Variants in TTLL5 observed in about 807,000 individuals in gnomAD.
TTLL5 encodes tubulin tyrosine ligase like 5, also known as tubulin polyglutamylase TTLL5.
In TTLL5, 132 loss-of-function variants were observed where a neutral mutation model predicts 168.4. That is an observed-to-expected ratio of 0.78 (90% confidence interval 0.68 to 0.91). The LOEUF (loss-of-function observed/expected upper bound fraction) is 0.91, where lower values mean the gene tolerates loss of function less well. Among genes scored for constraint, TTLL5 ranks in the 40% least tolerant of loss-of-function variants. The pLI, the probability that TTLL5 is intolerant of heterozygous loss-of-function variation, is 0.00. For missense variants in TTLL5, 1,545 were observed against 1,581.5 expected, an observed-to-expected ratio of 0.98 and a Z score of 0.39; for synonymous variants, 546 against 558.6, an observed-to-expected ratio of 0.98 and a Z score of 0.32.
At chr14:75,881,985 G>C (rs996391795) in intron 29 of TTLL5, among the ~76,000 whole-genome samples, 1 of 152,154 alleles carries the variant, frequency 6.6e-6, no homozygotes, top group East Asian at 1.9e-4. Flanking sequence ...TACCCTCTGA[G>C]CAAAAATATC....
chr14:75,905,661 T>G (rs2033114824), intron 31 of TTLL5, among the ~76,000 whole-genome samples: 1 of 152,210 alleles, frequency 6.6e-6, no homozygotes, highest in Non-Finnish European at 1.5e-5. Flanking sequence ...TCGTTGGCCT[T>G]CCTTCTTTAT....
intron 27 of TTLL5, among the ~76,000 whole-genome samples, chr14:75,807,740 A>T (rs1382782653): frequency 6.6e-6 from 1 of 152,182 alleles, no homozygotes; most frequent in African/African-American, 2.4e-5. Flanking sequence ...TTCGGTGTGA[A>T]TAAGGACTCA....
chr14:75,860,161 A>C (rs1897326972), intron 28 of TTLL5, among the ~76,000 whole-genome samples: 1 of 152,206 alleles, frequency 6.6e-6, no homozygotes, highest in African/African-American at 2.4e-5. Flanking sequence ...GGAGGAACAC[A>C]TCCTTTCTTA....
At chr14:75,863,911 TAAAA>T (rs76733656) in intron 29 of TTLL5, 49 bp downstream of exon 29, 2,274 of 99,538 alleles carry the variant, frequency 0.023, no homozygotes, top group Middle Eastern at 0.04. Flanking sequence ...CTGCTGTTGG[TAAAA>T]AAAAAAAAAA....
Position 75,690,246 on chromosome 14 carries a change from G to A in TTLL5, c.426G>A (p.Gln142=), listed in dbSNP as rs777618669. The stretch of plus-strand genomic sequence containing the variant: ...TGTACAAAAACATTATTCGAATGCA[G>A]CATACACATGGATTCAAGGCTTTTC... The part of the protein sequence containing the change: ...DRLYKNIIRM[Q]HTHGFKAFHI... Residue 142 remains glutamine (Q), a synonymous_variant, in exon 6 of 32, where the codon CAG becomes CAA. Coordinates refer to ENST00000298832, the MANE Select transcript of TTLL5 (RefSeq NM_015072.5). The A allele has an allele frequency of 6.3e-5, 101 of 1,612,500 alleles. No individual in the cohort carries two copies. The highest frequency in any genetic ancestry group is 3.7e-4 in the Admixed American group (22 of 59,658).
chr14:75,871,222 T>C (rs1230969542), intron 29 of TTLL5, among the ~76,000 whole-genome samples: 1 of 152,226 alleles, frequency 6.6e-6, no homozygotes, highest in African/African-American at 2.4e-5. Context: ...TGTTGCTTTC[T>C]AAGCTGCTCC....
At chr14:75,765,827 C>T (rs1594996549) in intron 19 of TTLL5, among the ~76,000 whole-genome samples, 2 of 152,026 alleles carry the variant, frequency 1.3e-5, no homozygotes, top group South Asian at 4.1e-4. Context: ...CTGCCACTGC[C>T]CTCCAGCCTG....
chr14:75,954,399 T>G (rs1282977633), intron 31 of TTLL5, 25 bp from the exon 32 acceptor site: 1 of 1,613,600 alleles, frequency 6.2e-7, no homozygotes, highest in South Asian at 1.1e-5. Context: ...TTCATTCATT[T>G]CATGGTTGCC....
Position 75,857,323 on chromosome 14 carries a change from A to G in TTLL5, c.3327-6344A>G, listed in dbSNP as rs190665689. On this transcript the variant is annotated intron_variant, in intron 28 of 31. Coordinates refer to ENST00000298832, the MANE Select transcript of TTLL5 (RefSeq NM_015072.5). ...TTTCTAATGTTACCCTTGCATTCCT[A>G]TGGTAAATGCCACTTGGCCATGATA... 9.2e-5 allele frequency among the ~76,000 whole-genome samples: 14 copies of G among 152,124 alleles called. No individual in the cohort carries two copies. The East Asian group carries it at 2.7e-3, about 29-fold the overall frequency.
chr14:75,903,220 G>A (rs963466146), intron 31 of TTLL5, among the ~76,000 whole-genome samples: 2 of 152,092 alleles, frequency 1.3e-5, no homozygotes, highest in Non-Finnish European at 2.9e-5. Context: ...CTAAGCAGTC[G>A]AGCCCAGATC....
chr14:75,736,846 A>G (rs1372328880), intron 15 of TTLL5, among the ~76,000 whole-genome samples: 1 of 152,218 alleles, frequency 6.6e-6, no homozygotes, highest in Non-Finnish European at 1.5e-5. Flanking sequence ...CCAGGGTTGT[A>G]CTTGATCAGT....
intron 18 of TTLL5, among the ~76,000 whole-genome samples, chr14:75,755,238 C>T (rs1890174319): frequency 6.6e-6 from 1 of 150,698 alleles, no homozygotes; most frequent in Admixed American, 6.6e-5. Context: ...GCATTCCAGC[C>T]TGGGCAACCA....
chr14:75,725,437 C>T lies in TTLL5; in HGVS notation c.1042+4734C>T, dbSNP rs537986907. Among the ~76,000 whole-genome samples the T allele has an allele frequency of 2.3e-3, 347 of 152,288 alleles. 1 individual carries two copies. Among genetic ancestry groups the T allele is most frequent in the African/African-American group, 8.1e-3 (338 of 41,568 alleles). Reference sequence around the variant, plus strand: ...AAGTATCTACTGTTTATCAAGCAAACATTGGTTATTTCCTTTAATTTGGTT... The same window carrying T: ...AAGTATCTACTGTTTATCAAGCAAATATTGGTTATTTCCTTTAATTTGGTT... On this transcript the variant is annotated intron_variant, in intron 12 of 31. Coordinates refer to ENST00000298832, the MANE Select transcript of TTLL5 (RefSeq NM_015072.5).
At chr14:75,699,511 A>G (rs1327637642) in intron 7 of TTLL5, among the ~76,000 whole-genome samples, 1 of 152,212 alleles carries the variant, frequency 6.6e-6, no homozygotes, top group African/African-American at 2.4e-5. Context: ...GGGGAGGGCA[A>G]CCTGTTGTGT....
At chr14:75,705,127 G>A (rs916650831) in intron 7 of TTLL5, among the ~76,000 whole-genome samples, 2 of 152,210 alleles carry the variant, frequency 1.3e-5, no homozygotes, top group East Asian at 1.9e-4. Context: ...TAGTACTTAC[G>A]AGAAGCTGAT....
chr14:75,888,437 C>G (rs2032225382), intron 30 of TTLL5, among the ~76,000 whole-genome samples: 1 of 152,192 alleles, frequency 6.6e-6, no homozygotes, highest in African/African-American at 2.4e-5. Context: ...CCTCACTTCC[C>G]TCGTCCTTCA....
intron 18 of TTLL5, chr14:75,757,801 C>A: frequency 6.3e-7 from 1 of 1,581,910 alleles, no homozygotes. Flanking sequence ...ATAGCATTCT[C>A]TAACCCGGTT....
Position 75,674,049 on chromosome 14 carries a change from C to G in TTLL5, c.181+4527C>G, listed in dbSNP as rs1230645115. Among the ~76,000 whole-genome samples the G allele has an allele frequency of 2.0e-5, 3 of 152,178 alleles. No homozygotes were observed. The East Asian group carries it at 5.8e-4, about 29-fold the overall frequency. On this transcript the variant is annotated intron_variant, in intron 3 of 31. Coordinates refer to ENST00000298832, the MANE Select transcript of TTLL5 (RefSeq NM_015072.5). ...ATTCTATGGCAATAGGCGGACCCTT[C>G]TTTTTTAGAATACCTAACATTTATT...
intron 6 of TTLL5, among the ~76,000 whole-genome samples, chr14:75,694,347 C>CTT (rs201365092): frequency 2.0e-5 from 3 of 151,518 alleles, no homozygotes; most frequent in Non-Finnish European, 4.4e-5. Context: ...GCATTAACTT[C>CTT]TTTTTTTTTG....
Sources: allele counts gnomAD v4.1 joint callset (sites outside exome capture counted in the v4.1 genomes callset), GRCh38; gene constraint gnomAD v4.1.1; transcripts MANE v1.5; gene names NCBI Gene and HGNC (gene_info 2026-07-23, HGNC 2026-07-21).